Variants in HHIPL1 observed in about 807,000 individuals in gnomAD.
HHIPL1 encodes HHIP like 1.
Under a neutral mutation model 61.8 loss-of-function variants are expected in HHIPL1, and 43 were observed. That is an observed-to-expected ratio of 0.70 (90% confidence interval 0.55 to 0.90). The LOEUF (loss-of-function observed/expected upper bound fraction) is 0.90. Among genes scored for constraint, HHIPL1 ranks in the 40% least tolerant of loss-of-function variants. The pLI is 0.00. For missense variants in HHIPL1, 1,056 were observed against 1,157.7 expected (o/e 0.91, Z 1.28); for synonymous variants, 482 against 515.8 (o/e 0.93, Z 0.89).
At chr14:99,658,267 T>C (rs1307477266) in intron 3 of HHIPL1, among the ~76,000 whole-genome samples, 1 of 152,224 alleles carries the variant, frequency 6.6e-6, no homozygotes, top group African/African-American at 2.4e-5. Context: ...ATTATTTTGC[T>C]GCTACAAGTT....
the HHIPL1 span, among the ~76,000 whole-genome samples, chr14:99,605,705 TAGAA>T: frequency 1.3e-5 from 2 of 152,206 alleles, no homozygotes; most frequent in African/African-American, 4.8e-5. Flanking sequence ...GCTGCTGTCA[TAGAA>T]AGCATAATCA....
chr14:99,662,031 T>C (rs2056160968), intron 5 of HHIPL1, among the ~76,000 whole-genome samples: 1 of 152,142 alleles, frequency 6.6e-6, no homozygotes, highest in Non-Finnish European at 1.5e-5. Context: ...CCCCTGATTC[T>C]CCTTTCTCCC....
At chr14:99,655,480 C>T (rs1325686861) in intron 2 of HHIPL1, among the ~76,000 whole-genome samples, 11 of 152,064 alleles carry the variant, frequency 7.2e-5, no homozygotes, top group South Asian at 2.1e-4. Flanking sequence ...AAAAATTGGC[C>T]GGGCATGGTG....
At chr14:99,672,528 C>T in intron 8 of HHIPL1, 129 bp downstream of exon 8, 1 of 728,990 alleles carries the variant, frequency 1.4e-6, no homozygotes, top group Non-Finnish European at 2.4e-6. Context: ...CTGTGCCTAG[C>T]ACTGTGCCTG....
chr14:99,612,552 C>T, the HHIPL1 span, among the ~76,000 whole-genome samples: 1 of 152,202 alleles, frequency 6.6e-6, no homozygotes, highest in Non-Finnish European at 1.5e-5. Flanking sequence ...ATTTATGCTA[C>T]TTATAATTAC....
intron 2 of HHIPL1, among the ~76,000 whole-genome samples, chr14:99,655,315 T>C (rs976279987): frequency 2.0e-5 from 3 of 152,180 alleles, no homozygotes; most frequent in Admixed American, 6.5e-5. Context: ...AATTTTTTCT[T>C]ATTTGTATGG....
chr14:99,622,345 C>A, the HHIPL1 span, among the ~76,000 whole-genome samples: 1 of 152,296 alleles, frequency 6.6e-6, no homozygotes, highest in South Asian at 2.1e-4. Flanking sequence ...CAGAGTGTCA[C>A]CCCTGGGGTG....
chr14:99,609,274 C>T, the HHIPL1 span, among the ~76,000 whole-genome samples: 3 of 152,222 alleles, frequency 2.0e-5, no homozygotes, highest in Non-Finnish European at 4.4e-5. Flanking sequence ...TATTCTCATC[C>T]AAGCCCTCCC....
Position 99,675,212 on chromosome 14 carries a change from C to G in HHIPL1, c.1935C>G (p.Thr645=). Residue 645 remains threonine (T), a synonymous_variant, in exon 9 of 9, where the codon ACC becomes ACG. Coordinates refer to ENST00000330710, the MANE Select transcript of HHIPL1 (RefSeq NM_001127258.3). The surrounding 1 kb of genome is among the most constrained non-coding windows in gnomAD (Gnocchi z 5.4). ...PAPTPRPARP[T]QQPGSRRGGG... ...CAACCCCGCGGCCAGCGCGGCCCAC[C>G]CAGCAGCCAGGGAGCCGGAGGGGCG... The G allele has an allele frequency of 8.5e-7, 1 of 1,182,754 alleles. No individual in the cohort carries two copies. Among genetic ancestry groups the G allele is most frequent in the Non-Finnish European group, 1.0e-6 (1 of 953,336 alleles). 73.3% of individuals were successfully genotyped at this position (1,182,754 alleles called of 1,614,324 possible).
chr14:99,617,269 G>T, the HHIPL1 span, among the ~76,000 whole-genome samples: 4 of 152,096 alleles, frequency 2.6e-5, no homozygotes, highest in South Asian at 2.1e-4. Flanking sequence ...TAACATTTAC[G>T]CGATCATCGT....
At chr14:99,659,935 C>T (rs1439754664) in intron 4 of HHIPL1, among the ~76,000 whole-genome samples, 179 bp downstream of exon 4, 1 of 150,706 alleles carries the variant, frequency 6.6e-6, no homozygotes, top group East Asian at 2.0e-4. Flanking sequence ...GGGGACCACC[C>T]GCACCCCAGG....
rs2056382370 is a variant in HHIPL1 at position 99,675,596 on chromosome 14, C to A, written c.2319C>A (p.Val773=). 1 of 1,529,454 alleles carries A rather than the reference C, an allele frequency of 6.5e-7. No homozygotes were observed. Among genetic ancestry groups the A allele is most frequent in the Non-Finnish European group, 8.8e-7 (1 of 1,141,508 alleles). 94.7% of individuals were successfully genotyped at this position (1,529,454 alleles called of 1,614,324 possible). The change falls in exon 9 of 9, where the codon GTC becomes GTA. Residue 773 remains valine, a synonymous_variant. Transcript: ENST00000330710. This position sits in a 1 kb window ranked among gnomAD's most constrained non-coding sequence, Gnocchi z 5.4. ...HNCEHDEDAG[V]VCSHQNPDL The stretch of plus-strand genomic sequence containing the variant: ...GCGAGCACGACGAGGATGCGGGCGT[C>A]GTGTGCAGCCACCAGAACCCCGACC...
At chr14:99,656,087 C>T (rs2056022508) in intron 2 of HHIPL1, among the ~76,000 whole-genome samples, 1 of 152,180 alleles carries the variant, frequency 6.6e-6, no homozygotes, top group Non-Finnish European at 1.5e-5. Flanking sequence ...GTGAGTGTGG[C>T]GCTGAGTGCA....
the HHIPL1 span, among the ~76,000 whole-genome samples, chr14:99,640,041 T>C: frequency 6.6e-6 from 1 of 152,236 alleles, no homozygotes; most frequent in Non-Finnish European, 1.5e-5. Flanking sequence ...AAGTGATTGT[T>C]GATAGAGATG....
intron 2 of HHIPL1, among the ~76,000 whole-genome samples, chr14:99,655,644 A>G (rs1303639013): frequency 1.3e-5 from 2 of 152,082 alleles, no homozygotes. Context: ...AAAGAAAAAG[A>G]AGGGATTGAG....
chr14:99,662,316 A>G (rs141745007), intron 5 of HHIPL1, among the ~76,000 whole-genome samples: 113 of 152,244 alleles, frequency 7.4e-4, no homozygotes, highest in Admixed American at 4.4e-3. Context: ...GGAAGTATTA[A>G]TAGGTGATTG....
chr14:99,646,985 T>C (rs569901080), intron 1 of HHIPL1, among the ~76,000 whole-genome samples: 1 of 152,094 alleles, frequency 6.6e-6, no homozygotes, highest in Non-Finnish European at 1.5e-5. Context: ...CTCGAGGGCT[T>C]CCTTGGCCCT....
intron 3 of HHIPL1, among the ~76,000 whole-genome samples, chr14:99,658,825 G>GCAAA (rs10639087): frequency 0.97 from 148,199 of 152,112 alleles, 72,319 homozygotes; most frequent in East Asian, 1. Context: ...CACTGACTCT[G>GCAAA]CACTTAATGG....
chr14:99,665,480 A>G (rs573143909), intron 6 of HHIPL1, among the ~76,000 whole-genome samples: 43 of 152,312 alleles, frequency 2.8e-4, no homozygotes, highest in African/African-American at 9.6e-4. Context: ...TTGCTCTGCT[A>G]TCCAGGCAGG....
Sources: allele counts gnomAD v4.1 joint callset (sites outside exome capture counted in the v4.1 genomes callset), GRCh38; gene constraint gnomAD v4.1.1; non-coding constraint Gnocchi (gnomAD v3.1); transcripts MANE v1.5; gene names NCBI Gene and HGNC (gene_info 2026-07-23, HGNC 2026-07-21).